Variants in EDAR observed in about 807,000 individuals in gnomAD.
The protein encoded by EDAR is tumor necrosis factor receptor superfamily member EDAR.
A neutral mutation model predicts 51.3 loss-of-function variants in EDAR; 38 were observed. The ratio of observed to expected loss-of-function variants is 0.74; its 90% CI spans 0.57 to 0.97. The LOEUF (loss-of-function observed/expected upper bound fraction) is 0.97. EDAR is among the 50% of genes least tolerant of loss of function. EDAR has a pLI of 0.00. For missense variants in EDAR, 528 were observed against 595.0 expected, an observed-to-expected ratio of 0.89 and a Z score of 1.17; for synonymous variants, 227 against 242.1, an observed-to-expected ratio of 0.94 and a Z score of 0.58.
chr2:108,959,059 G>A (rs947250566), intron 1 of EDAR, among the ~76,000 whole-genome samples: 3 of 152,228 alleles, frequency 2.0e-5, no homozygotes, highest in Non-Finnish European at 4.4e-5. Context: ...CTTAGAAAGT[G>A]GGTTAGAGCC....
chr2:108,923,484 C>T, intron 4 of EDAR, 31 bp from the exon 5 acceptor site: 2 of 1,604,246 alleles, frequency 1.2e-6, no homozygotes, highest in South Asian at 1.1e-5. Context: ...AAAACAGAGA[C>T]AGGTGAGCTG....
chr2:108,969,613 A>C (rs1368024548), intron 1 of EDAR, among the ~76,000 whole-genome samples: 1 of 152,062 alleles, frequency 6.6e-6, no homozygotes, highest in Non-Finnish European at 1.5e-5. Context: ...TCTCAAACTA[A>C]TTTTTCATTA....
intron 1 of EDAR, among the ~76,000 whole-genome samples, chr2:108,973,633 G>A (rs377665124): frequency 4.6e-5 from 7 of 152,206 alleles, no homozygotes; most frequent in African/African-American, 1.4e-4. Flanking sequence ...AAGAACAGAA[G>A]GAGAAATGCA....
In EDAR at chr2:108,930,965, AC is replaced by A; in HGVS notation, c.49del (p.Val17TrpfsTer4). ...GGGTAAGGGGCTCAGACCACTTACCACCAGGACGGGGAGCCAGGGCGTCTGC... is the reference window on the plus strand; with the variant it reads ...GGGTAAGGGGCTCAGACCACTTACCACAGGACGGGGAGCCAGGGCGTCTGC... ...CTQTPWLPVLVVSLMCSARAE... is the reference protein window; with the variant it reads ...CTQTPWLPVLXVSLMCSARAE... On this transcript the variant is annotated frameshift_variant and splice_region_variant, in exon 2 of 12. Coordinates refer to ENST00000258443, the MANE Select transcript of EDAR (RefSeq NM_022336.4). LOFTEE classifies it high-confidence loss of function. 6.2e-7 allele frequency: 1 copy of A among 1,613,914 alleles called. No individual in the cohort carries two copies. The highest frequency in any genetic ancestry group is 1.1e-5 in the South Asian group (1 of 91,086).
rs114248036 is a variant in EDAR, at chr2:108,977,647, G to A, written c.-19+11313C>T. ...GAGGAGGGACTGGGGACATCTGGAC[G>A]TCCTCCCTCCTGGGACCCGGCTCTC... On this transcript the variant is annotated intron_variant, in intron 1 of 11. Transcript: ENST00000258443. Among the ~76,000 whole-genome samples the A allele has an allele frequency of 2.4e-3, 359 of 152,180 alleles. 1 individual carries two copies. The highest frequency in any genetic ancestry group is 8.3e-3 in the African/African-American group (344 of 41,536).
At chr2:108,950,938 C>T (rs1490983594) in intron 1 of EDAR, among the ~76,000 whole-genome samples, 1 of 152,244 alleles carries the variant, frequency 6.6e-6, no homozygotes, top group African/African-American at 2.4e-5. Context: ...CAGGCTTCTT[C>T]ACCCAAGGGC....
At chr2:108,967,131 T>G (rs562336427) in intron 1 of EDAR, among the ~76,000 whole-genome samples, 2 of 152,154 alleles carry the variant, frequency 1.3e-5, no homozygotes, top group East Asian at 3.9e-4. Context: ...GACGGAGTTT[T>G]GTCATGTTGG....
At chr2:108,916,050 A>T (rs1697022790) in intron 5 of EDAR, among the ~76,000 whole-genome samples, 1 of 152,170 alleles carries the variant, frequency 6.6e-6, no homozygotes, top group African/African-American at 2.4e-5. Context: ...TGTGATAAGG[A>T]GGCTTCAGAT....
At chr2:108,979,814 C>T (rs915724150) in intron 1 of EDAR, among the ~76,000 whole-genome samples, 2 of 152,166 alleles carry the variant, frequency 1.3e-5, no homozygotes, top group African/African-American at 4.8e-5. Flanking sequence ...CTTTGGCCAT[C>T]TGACATGACA....
Position 108,897,111 on chromosome 2 carries a change from G to A in EDAR, c.1143C>T (p.Phe381=), listed in dbSNP as rs143639120. 360 of 1,614,028 alleles carry A rather than the reference G, an allele frequency of 2.2e-4. 1 individual carries two copies. In the African/African-American group the frequency reaches 3.5e-3, roughly 16 times the overall value. The change falls in exon 12 of 12, where the codon TTC becomes TTT. Residue 381 remains phenylalanine, a synonymous_variant. Transcript: ENST00000258443. ...CCCCAATCTCATCCCTCTTCAGGCC[G>A]AAGCTCTCGGCGAGGTGGCGCCACG... The part of the protein sequence containing the change: ...VKTWRHLAES[F]GLKRDEIGGM...
intron 4 of EDAR, among the ~76,000 whole-genome samples, chr2:108,927,390 C>A (rs984482135): frequency 2.6e-5 from 4 of 152,194 alleles, no homozygotes; most frequent in Non-Finnish European, 4.4e-5. Context: ...TCCACATTCG[C>A]CTGAATTCTT....
intron 5 of EDAR, among the ~76,000 whole-genome samples, chr2:108,922,680 G>A (rs1333434020): frequency 1.3e-5 from 2 of 152,100 alleles, no homozygotes; most frequent in East Asian, 3.9e-4. Context: ...GAAGGAGCCA[G>A]AGGGTGGCAA....
rs567450964 is a variant in EDAR at position 108,960,236 on chromosome 2, G to C, written c.-19+28724C>G. ...GCAGTTTCTCTATTTGTCCACAAGA[G>C]CCTCAAACTGAGGATCCCCCAAGGT... On this transcript the variant is annotated intron_variant, in intron 1 of 11. Transcript: ENST00000258443. Among the ~76,000 whole-genome samples, 7 of 152,328 alleles carry C rather than the reference G, an allele frequency of 4.6e-5. No individual in the cohort carries two copies. In the East Asian group the frequency reaches 1.2e-3, roughly 25 times the overall value.
At chr2:108,913,101 A>G (rs1427142739) in intron 5 of EDAR, among the ~76,000 whole-genome samples, 1 of 151,672 alleles carries the variant, frequency 6.6e-6, no homozygotes, top group Admixed American at 6.6e-5. Context: ...GGCACCCACC[A>G]CCACACCTGG....
chr2:108,936,481 G>A (rs1327389655), intron 1 of EDAR, among the ~76,000 whole-genome samples: 3 of 9,188 alleles, frequency 3.3e-4, no homozygotes, highest in Non-Finnish European at 3.5e-3. Flanking sequence ...GCTGGCTGCG[G>A]GCTCCCTGCC....
At chr2:108,985,294 C>T (rs1698477710) in intron 1 of EDAR, among the ~76,000 whole-genome samples, 1 of 152,292 alleles carries the variant, frequency 6.6e-6, no homozygotes, top group South Asian at 2.1e-4. Context: ...AGTAACGTGA[C>T]TGTGGTTGTT....
chr2:108,906,333 A>G lies in EDAR; in HGVS notation c.999T>C (p.Tyr333=). ...QSRRKKILDV[Y]ANVCGVVEGL... is the part of the protein sequence containing the mutation. Reference sequence around the variant, plus strand: ...CTTCCACGACTCCACACACGTTGGCATACACATCGAGGATCTTTTTCCTCC... The same window carrying G: ...CTTCCACGACTCCACACACGTTGGCGTACACATCGAGGATCTTTTTCCTCC... The change falls in exon 11 of 12, where the codon TAT becomes TAC. Residue 333 remains tyrosine, a synonymous_variant. Coordinates refer to ENST00000258443, the MANE Select transcript of EDAR (RefSeq NM_022336.4). 1 of 1,614,138 alleles carries G rather than the reference A, an allele frequency of 6.2e-7. No homozygotes were observed. The highest frequency in any genetic ancestry group is 2.2e-5 in the East Asian group (1 of 44,874).
At chr2:108,982,892 C>A (rs904702396) in intron 1 of EDAR, among the ~76,000 whole-genome samples, 4 of 152,128 alleles carry the variant, frequency 2.6e-5, no homozygotes, top group Admixed American at 1.3e-4. Context: ...GACTGGCCAC[C>A]CAGACAGGCC....
chr2:108,910,601 C>T (rs1467503096), intron 8 of EDAR, 69 bp from the exon 9 acceptor site: 3 of 1,447,612 alleles, frequency 2.1e-6, no homozygotes, highest in Non-Finnish European at 2.9e-6. Flanking sequence ...CTCAGCCCAA[C>T]CCTGCTCTTC....
Sources: allele counts gnomAD v4.1 joint callset (sites outside exome capture counted in the v4.1 genomes callset), GRCh38; gene constraint gnomAD v4.1.1; transcripts MANE v1.5; gene names NCBI Gene and HGNC (gene_info 2026-07-23, HGNC 2026-07-21).